Variants in FRMD5 observed in about 807,000 individuals in gnomAD.
FRMD5 encodes the protein FERM domain containing 5.
In FRMD5, 20 loss-of-function variants were observed where a neutral mutation model predicts 69.0. The observed-to-expected ratio is 0.29, with a 90% CI of 0.20 to 0.42. The LOEUF (loss-of-function observed/expected upper bound fraction) is 0.42. FRMD5 is among the 10% of genes least tolerant of loss of function. FRMD5 has a pLI of 1.00. For missense variants in FRMD5, 595 were observed against 708.6 expected, an observed-to-expected ratio of 0.84 and a Z score of 1.82; for synonymous variants, 271 against 260.1, an observed-to-expected ratio of 1.04 and a Z score of -0.40.
At chr15:43,979,709 T>C (rs555180005) in intron 1 of FRMD5, among the ~76,000 whole-genome samples, 2 of 152,382 alleles carry the variant, frequency 1.3e-5, no homozygotes, top group South Asian at 2.1e-4. Flanking sequence ...TTAGTGGAGA[T>C]ACTCTGAATA....
rs553919681 is a variant in FRMD5 at position 44,089,646 on chromosome 15, T to C, written c.102+105307A>G. 5.3e-5 allele frequency among the ~76,000 whole-genome samples: 8 copies of C among 152,124 alleles called. No individual in the cohort carries two copies. In the South Asian group the frequency reaches 1.7e-3, roughly 32 times the overall value. On this transcript the variant is annotated intron_variant, in intron 1 of 13. Transcript: ENST00000417257. ...TGAGCCCAGGATGCATAGCTTGCAG[T>C]GAGCCAAAGTCATGCCACTACAATC...
chr15:44,034,298 T>C (rs1037214811), intron 1 of FRMD5, among the ~76,000 whole-genome samples: 1 of 152,228 alleles, frequency 6.6e-6, no homozygotes, highest in Admixed American at 6.5e-5. Flanking sequence ...ATGATTACTG[T>C]TCATTCAACC....
At chr15:43,875,847 TTTTA>T (rs1371371145) in intron 13 of FRMD5, 10 of 583,622 alleles carry the variant, frequency 1.7e-5, no homozygotes, top group Non-Finnish European at 3.1e-5. Context: ...TTTCATATGA[TTTTA>T]TTTTCTTCCT....
At chr15:43,927,731 C>CTTTTTTTTTTTT (rs879431059) in intron 1 of FRMD5, among the ~76,000 whole-genome samples, 1 of 140,822 alleles carries the variant, frequency 7.1e-6, no homozygotes. Flanking sequence ...TCAGCTGGTG[C>CTTTTTTTTTTTT]TTTTTTTTTT....
upstream of FRMD5, among the ~76,000 whole-genome samples, chr15:44,195,641 T>TG (rs1471361082): frequency 6.6e-6 from 1 of 151,982 alleles, no homozygotes; most frequent in Non-Finnish European, 1.5e-5. Context: ...CCCGCCCTCT[T>TG]GGGAGCCGGA....
chr15:43,871,250 TG>T lies in FRMD5; in HGVS notation c.*2634del, dbSNP rs1407617341. On this transcript the variant is annotated 3_prime_UTR_variant, in exon 14 of 14. Coordinates refer to ENST00000417257, the MANE Select transcript of FRMD5 (RefSeq NM_032892.5). The stretch of plus-strand genomic sequence containing the variant: ...TATCCATATTTTCTGGGATGAGCCC[TG>T]GAAAAAAACAACCCTAAAGTTTCTG... 4 of 152,188 alleles carry T rather than the reference TG, an allele frequency of 2.6e-5. No individual in the cohort carries two copies. The highest frequency in any genetic ancestry group is 9.6e-5 in the African/African-American group (4 of 41,454). 9.4% of individuals were successfully genotyped at this position (152,188 alleles called of 1,614,324 possible).
intron 1 of FRMD5, among the ~76,000 whole-genome samples, chr15:44,121,283 A>C (rs12901517): frequency 1.1e-4 from 2 of 18,026 alleles, no homozygotes; most frequent in Admixed American, 1.2e-3. Flanking sequence ...GGGGGGTGGG[A>C]GGGGGAGTCA....
intron 1 of FRMD5, among the ~76,000 whole-genome samples, chr15:44,078,506 C>T (rs1171275459): frequency 6.6e-6 from 1 of 152,118 alleles, no homozygotes; most frequent in Non-Finnish European, 1.5e-5. Context: ...TGATGTCTCA[C>T]ATTTCCTGAT....
At chr15:44,092,205 G>C (rs1451347103) in intron 1 of FRMD5, among the ~76,000 whole-genome samples, 1 of 152,052 alleles carries the variant, frequency 6.6e-6, no homozygotes, top group African/African-American at 2.4e-5. Flanking sequence ...TGTATGTCTA[G>C]TCCTTCAGAT....
At chr15:44,123,370 G>T (rs1458047307) in intron 1 of FRMD5, among the ~76,000 whole-genome samples, 1 of 151,812 alleles carries the variant, frequency 6.6e-6, no homozygotes, top group Non-Finnish European at 1.5e-5. Flanking sequence ...TATGGCATAG[G>T]GTTAAAGAAA....
chr15:44,042,998 G>A (rs1261129664), intron 1 of FRMD5, among the ~76,000 whole-genome samples: 2 of 152,182 alleles, frequency 1.3e-5, no homozygotes, highest in Admixed American at 6.5e-5. Context: ...GTCCCTATTT[G>A]CAGATGACAT....
chr15:43,880,174 G>C (rs1428757225), intron 13 of FRMD5, among the ~76,000 whole-genome samples: 1 of 152,208 alleles, frequency 6.6e-6, no homozygotes, highest in Non-Finnish European at 1.5e-5. Flanking sequence ...CAAGTTGCAT[G>C]GTCAGCCTAG....
intron 1 of FRMD5, among the ~76,000 whole-genome samples, chr15:43,934,218 C>A (rs2089722639): frequency 6.6e-6 from 1 of 152,190 alleles, no homozygotes. Context: ...GAGGCAAGTC[C>A]TCCATGTTCA....
Position 43,874,908 on chromosome 15 carries a change from AAAAG to A in FRMD5, c.1136-450_1136-447del, listed in dbSNP as rs540612108. 2.6e-5 allele frequency among the ~76,000 whole-genome samples: 4 copies of A among 151,878 alleles called. No individual in the cohort carries two copies. In the South Asian group the frequency reaches 8.3e-4, roughly 32 times the overall value. On this transcript the variant is annotated intron_variant, in intron 13 of 13. Coordinates refer to ENST00000417257, the MANE Select transcript of FRMD5 (RefSeq NM_032892.5). ...GAGTGAGTAAGATTCCATCTTAAAAAAAAGAAAAAGGCTGGGCGTGGTGCCTCAT... is the reference window on the plus strand; with the variant it reads ...GAGTGAGTAAGATTCCATCTTAAAAAAAAAAGGCTGGGCGTGGTGCCTCAT...
intron 1 of FRMD5, among the ~76,000 whole-genome samples, chr15:44,062,734 C>T (rs938841026): frequency 1.3e-5 from 2 of 149,754 alleles, no homozygotes; most frequent in Non-Finnish European, 3.0e-5. Context: ...ACATAGGTTA[C>T]ATGCAAATAC....
At chr15:44,035,320 G>A (rs1258756258) in intron 1 of FRMD5, among the ~76,000 whole-genome samples, 1 of 152,138 alleles carries the variant, frequency 6.6e-6, no homozygotes, top group Non-Finnish European at 1.5e-5. Context: ...AATCAACCTT[G>A]AACAGGTTGT....
At chr15:43,906,187 G>A (rs923450340) in intron 5 of FRMD5, among the ~76,000 whole-genome samples, 13 of 152,380 alleles carry the variant, frequency 8.5e-5, no homozygotes, top group African/African-American at 2.9e-4. Flanking sequence ...CAGAGAGACA[G>A]AGAGCTGACC....
intron 1 of FRMD5, among the ~76,000 whole-genome samples, chr15:43,954,952 TC>T (rs1410283454): frequency 6.6e-6 from 1 of 152,208 alleles, no homozygotes; most frequent in African/African-American, 2.4e-5. Flanking sequence ...ATAATTATTA[TC>T]TAAAGGGAGT....
chr15:43,884,976 A>C (rs1595480458), intron 11 of FRMD5, 181 bp from the exon 12 acceptor site: 2 of 560,034 alleles, frequency 3.6e-6, no homozygotes, highest in Admixed American at 3.0e-5. Flanking sequence ...AACTGTCATG[A>C]CAGCCTATCT....
Sources: allele counts gnomAD v4.1 joint callset (sites outside exome capture counted in the v4.1 genomes callset), GRCh38; gene constraint gnomAD v4.1.1; transcripts MANE v1.5; gene names NCBI Gene and HGNC (gene_info 2026-07-23, HGNC 2026-07-21).